Variants in CFAP77 observed in about 807,000 individuals in gnomAD.
CFAP77 encodes the protein cilia and flagella associated protein 77.
Under a neutral mutation model 31.1 loss-of-function variants are expected in CFAP77, and 25 were observed. The ratio of observed to expected loss-of-function variants is 0.80; its 90% CI spans 0.59 to 1.12. The LOEUF (loss-of-function observed/expected upper bound fraction) is 1.12, where lower values mean the gene tolerates loss of function less well. CFAP77 is among the 50% of genes most tolerant of loss of function. CFAP77 has a pLI of 0.00. For synonymous variants in CFAP77, 151 were observed against 159.9 expected (o/e 0.94, Z 0.42); for missense variants, 377 against 397.3 (o/e 0.95, Z 0.44).
intron 1 of CFAP77, among the ~76,000 whole-genome samples, chr9:132,476,650 T>C (rs554998476): frequency 6.6e-6 from 1 of 152,040 alleles, no homozygotes; most frequent in East Asian, 1.9e-4. Flanking sequence ...CAATGACTGG[T>C]GTTCTGACAA....
chr9:132,542,569 T>A (rs930595275), intron 4 of CFAP77, among the ~76,000 whole-genome samples: 1 of 152,190 alleles, frequency 6.6e-6, no homozygotes. Flanking sequence ...GTGCACTTCT[T>A]CATCCAAACA....
chr9:132,535,834 TG>T (rs1348739422), intron 3 of CFAP77, among the ~76,000 whole-genome samples: 2 of 152,204 alleles, frequency 1.3e-5, no homozygotes, highest in Non-Finnish European at 2.9e-5. Context: ...TTGGGGTAGA[TG>T]CTAATCCTTT....
At chr9:132,475,784 C>T (rs995254320) in intron 1 of CFAP77, among the ~76,000 whole-genome samples, 11 of 152,070 alleles carry the variant, frequency 7.2e-5, no homozygotes, top group African/African-American at 2.4e-4. Flanking sequence ...TCCTGGGTAC[C>T]CCCACCCTCT....
Position 132,517,949 on chromosome 9 carries a change from C to T in CFAP77, c.524+18349C>T, listed in dbSNP as rs544769770. ...TCCCAAGTAGGAGCTGATTTCATTT[C>T]ATTCCCCCTTTTTCGCTTTATGGGA... On this transcript the variant is annotated intron_variant, in intron 3 of 5. Coordinates refer to ENST00000393216, the MANE Select transcript of CFAP77 (RefSeq NM_001282957.2). The surrounding 1 kb of genome is among the most constrained non-coding windows in gnomAD (Gnocchi z 4.7). 6.6e-6 allele frequency among the ~76,000 whole-genome samples: 1 copy of T among 152,326 alleles called. No homozygotes were observed. The highest frequency in any genetic ancestry group is 2.4e-5 in the African/African-American group (1 of 41,574).
intron 3 of CFAP77, among the ~76,000 whole-genome samples, chr9:132,504,849 T>A (rs1293723919): frequency 1.3e-5 from 2 of 152,204 alleles, no homozygotes; most frequent in Non-Finnish European, 2.9e-5. Flanking sequence ...ATTGCCCCGC[T>A]CCCTAATGGG....
rs1300255125 is a variant in CFAP77 at position 132,420,782 on chromosome 9, AG to A, written c.195+10318del. On this transcript the variant is annotated intron_variant, in intron 1 of 5. Coordinates refer to ENST00000393216, the MANE Select transcript of CFAP77 (RefSeq NM_001282957.2). ...GTACCAGGCACAGTACCAGGCACCA[AG>A]GATACAGGGGTAAACCCACCTGGAT... 2.0e-5 allele frequency among the ~76,000 whole-genome samples: 3 copies of A among 152,338 alleles called. No individual in the cohort carries two copies. In the East Asian group the frequency reaches 5.8e-4, roughly 29 times the overall value.
At chr9:132,520,465 G>A (rs1852246696) in intron 3 of CFAP77, among the ~76,000 whole-genome samples, 1 of 152,034 alleles carries the variant, frequency 6.6e-6, no homozygotes, top group Admixed American at 6.6e-5. Context: ...GGGCAACATA[G>A]TGAGACTCCC....
At chr9:132,512,872 G>T (rs1852063720) in intron 3 of CFAP77, among the ~76,000 whole-genome samples, 1 of 152,204 alleles carries the variant, frequency 6.6e-6, no homozygotes, top group Non-Finnish European at 1.5e-5. Flanking sequence ...ACTTGAACCT[G>T]GGAGGTGGAG....
intron 3 of CFAP77, among the ~76,000 whole-genome samples, chr9:132,526,191 G>C (rs1056280362): frequency 2.6e-5 from 4 of 151,980 alleles, no homozygotes; most frequent in African/African-American, 9.7e-5. Context: ...AGCAATTGCC[G>C]GGCCATCTGG....
At chr9:132,485,528 G>A (rs947495475) in intron 1 of CFAP77, among the ~76,000 whole-genome samples, 1 of 152,180 alleles carries the variant, frequency 6.6e-6, no homozygotes, top group East Asian at 1.9e-4. Context: ...GGCTGGCAGC[G>A]GCGGATCTCT....
intron 5 of CFAP77, among the ~76,000 whole-genome samples, chr9:132,560,323 A>G (rs1281011406): frequency 6.6e-6 from 1 of 152,134 alleles, no homozygotes; most frequent in African/African-American, 2.4e-5. Flanking sequence ...TGTGTCCTCC[A>G]CTACAACTCT....
At chr9:132,458,003 A>G (rs902307589) in intron 1 of CFAP77, among the ~76,000 whole-genome samples, 1 of 152,022 alleles carries the variant, frequency 6.6e-6, no homozygotes, top group East Asian at 1.9e-4. Flanking sequence ...CCGATCCCTT[A>G]TTTCCGAAGG....
At position 132,501,548 on chromosome 9, in the gene CFAP77, G is replaced by A. The variant is rs552564334; in HGVS notation, c.524+1948G>A. Among the ~76,000 whole-genome samples, 35 of 152,202 alleles carry A rather than the reference G, an allele frequency of 2.3e-4. No homozygotes were observed. Among genetic ancestry groups the A allele is most frequent in the South Asian group, 4.1e-4 (2 of 4,824 alleles). On this transcript the variant is annotated intron_variant, in intron 3 of 5. Transcript: ENST00000393216. The surrounding 1 kb of genome is among the most constrained non-coding windows in gnomAD (Gnocchi z 4.6). ...CTCCCGAGTAGCTGGGACTACAGGC[G>A]TGCACCAACACGCCTGGCCAATTTT...
chr9:132,491,593 G>A (rs1276190729), intron 1 of CFAP77, among the ~76,000 whole-genome samples: 1 of 152,222 alleles, frequency 6.6e-6, no homozygotes, highest in Non-Finnish European at 1.5e-5. Flanking sequence ...CGTAGGAGGG[G>A]CTCTTGGCAA....
At chr9:132,438,519 G>GTATATA (rs34631762) in intron 1 of CFAP77, among the ~76,000 whole-genome samples, 11 of 116,670 alleles carry the variant, frequency 9.4e-5, no homozygotes, top group African/African-American at 2.7e-4. Flanking sequence ...AACAGATATG[G>GTATATA]TATATATATA....
intron 5 of CFAP77, among the ~76,000 whole-genome samples, chr9:132,561,663 C>CACACACACACACACACACA (rs1564253366): frequency 2.0e-5 from 1 of 50,700 alleles, no homozygotes; most frequent in Non-Finnish European, 4.0e-5. Context: ...ACACACACAC[C>CACACACACACACACACACA]CCCTCCATGT....
At chr9:132,448,728 A>T (rs1246248424) in intron 1 of CFAP77, among the ~76,000 whole-genome samples, 3 of 152,154 alleles carry the variant, frequency 2.0e-5, no homozygotes, top group Non-Finnish European at 4.4e-5. Flanking sequence ...CTGGGATTGC[A>T]GGCATGCACC....
At chr9:132,413,803 G>GA (rs1192291458) in intron 1 of CFAP77, among the ~76,000 whole-genome samples, 1 of 152,204 alleles carries the variant, frequency 6.6e-6, no homozygotes, top group African/African-American at 2.4e-5. Flanking sequence ...AGCACCCTTA[G>GA]AAAGTGTAAA....
chr9:132,535,140 C>T (rs1852521975), intron 3 of CFAP77, among the ~76,000 whole-genome samples: 1 of 152,174 alleles, frequency 6.6e-6, no homozygotes, highest in South Asian at 2.1e-4. Flanking sequence ...TACTTTTTAT[C>T]AAGAGGAAAA....
Sources: allele counts gnomAD v4.1 joint callset (sites outside exome capture counted in the v4.1 genomes callset), GRCh38; gene constraint gnomAD v4.1.1; non-coding constraint Gnocchi (gnomAD v3.1); transcripts MANE v1.5; gene names NCBI Gene and HGNC (gene_info 2026-07-23, HGNC 2026-07-21).